Variants in GSTCD observed in about 807,000 individuals in gnomAD.
GSTCD encodes glutathione S-transferase C-terminal domain containing, also known as glutathione S-transferase C-terminal domain-containing protein.
In GSTCD, 44 loss-of-function variants were observed where a neutral mutation model predicts 68.3. The ratio of observed to expected loss-of-function variants is 0.64; its 90% CI spans 0.51 to 0.83. GSTCD has a LOEUF of 0.83. GSTCD is among the 40% of genes least tolerant of loss of function. The probability of loss-of-function intolerance (pLI) is 0.00; values close to 1 mark genes in which losing one functional copy is unlikely to be tolerated. For synonymous variants in GSTCD, 273 were observed against 255.2 expected (o/e 1.07, Z -0.67); for missense variants, 739 against 735.9 (o/e 1.00, Z -0.05).
At chr4:105,743,009 C>G (rs759282832) in intron 5 of GSTCD, among the ~76,000 whole-genome samples, 8 of 146,396 alleles carry the variant, frequency 5.5e-5, no homozygotes, top group Non-Finnish European at 1.1e-4. Context: ...GAGTGCAGTG[C>G]CGCGATCTCA....
At chr4:105,713,176 T>G (rs1358794640) in intron 1 of GSTCD, among the ~76,000 whole-genome samples, 3 of 152,006 alleles carry the variant, frequency 2.0e-5, no homozygotes, top group African/African-American at 7.3e-5. Flanking sequence ...CATTATAAAA[T>G]ATATACCTAA....
At chr4:105,717,439 C>T (rs1732714292) in intron 1 of GSTCD, among the ~76,000 whole-genome samples, 154 bp from the exon 2 acceptor site, 1 of 152,110 alleles carries the variant, frequency 6.6e-6, no homozygotes, top group East Asian at 1.9e-4. Flanking sequence ...TTTTGGAAGT[C>T]ATTTAGTCAG....
chr4:105,730,222 T>A (rs1733185103), intron 5 of GSTCD, among the ~76,000 whole-genome samples: 1 of 152,210 alleles, frequency 6.6e-6, no homozygotes, highest in Non-Finnish European at 1.5e-5. Context: ...TGTGTCTTTA[T>A]AGCAGCATGA....
chr4:105,764,714 G>A (rs1734540824), intron 5 of GSTCD, among the ~76,000 whole-genome samples: 1 of 152,152 alleles, frequency 6.6e-6, no homozygotes, highest in Non-Finnish European at 1.5e-5. Flanking sequence ...TAAAGGTCCT[G>A]TCTTCAAATA....
At chr4:105,807,441 C>A (rs1722562764) in intron 5 of GSTCD, among the ~76,000 whole-genome samples, 1 of 152,060 alleles carries the variant, frequency 6.6e-6, no homozygotes, top group African/African-American at 2.4e-5. Context: ...AATAACCAAT[C>A]AAAGATAGGC....
chr4:105,823,120 T>A (rs779341475), intron 6 of GSTCD, 51 bp downstream of exon 6: 99 of 1,571,056 alleles, frequency 6.3e-5, no homozygotes, highest in Non-Finnish European at 8.5e-5. Context: ...ATTATGAGAC[T>A]TTTCTATATT....
At chr4:105,748,608 G>T (rs1217103540) in intron 5 of GSTCD, among the ~76,000 whole-genome samples, 1 of 151,886 alleles carries the variant, frequency 6.6e-6, no homozygotes, top group Non-Finnish European at 1.5e-5. Context: ...ATATTAAATG[G>T]TTTAAAATAT....
At chr4:105,824,724 G>T (rs1454915611) in intron 7 of GSTCD, among the ~76,000 whole-genome samples, 5 of 151,960 alleles carry the variant, frequency 3.3e-5, no homozygotes, top group Non-Finnish European at 7.4e-5. Context: ...TATCATAATT[G>T]CATGATCTGG....
chr4:105,836,557 T>C (rs1560855330), intron 9 of GSTCD, among the ~76,000 whole-genome samples: 2 of 152,028 alleles, frequency 1.3e-5, no homozygotes, highest in African/African-American at 4.8e-5. Flanking sequence ...TGCAGGCCCA[T>C]GTCAAGCTGC....
intron 5 of GSTCD, among the ~76,000 whole-genome samples, chr4:105,775,448 G>A (rs1279901970): frequency 6.6e-6 from 1 of 152,188 alleles, no homozygotes; most frequent in Non-Finnish European, 1.5e-5. Context: ...GGAATTTATA[G>A]GCTTTTGGCA....
Position 105,835,129 on chromosome 4 carries a change from A to C in GSTCD, c.1664+535A>C, listed in dbSNP as rs138421274. Among the ~76,000 whole-genome samples the C allele has an allele frequency of 1.5e-3, 236 of 152,342 alleles. 2 individuals are homozygous for C. The highest frequency in any genetic ancestry group is 5.4e-3 in the African/African-American group (225 of 41,584). ...TTAGAAGTGGCAAGAATAAGTATTC[A>C]ATAAATGTGAACTGTTGCTAATAAT... On this transcript the variant is annotated intron_variant, in intron 9 of 11. Coordinates refer to ENST00000515279, the MANE Select transcript of GSTCD (RefSeq NM_001370181.1).
At chr4:105,724,223 A>G (rs983709955) in intron 3 of GSTCD, among the ~76,000 whole-genome samples, 1 of 151,840 alleles carries the variant, frequency 6.6e-6, no homozygotes, top group African/African-American at 2.4e-5. Context: ...CTACGGAAAC[A>G]TTTGTTGCCT....
At chr4:105,801,843 A>T (rs1475655298) in intron 5 of GSTCD, among the ~76,000 whole-genome samples, 1 of 152,128 alleles carries the variant, frequency 6.6e-6, no homozygotes, top group East Asian at 1.9e-4. Context: ...TCATTTTATA[A>T]CTTCTCTTTT....
intron 5 of GSTCD, among the ~76,000 whole-genome samples, chr4:105,740,398 G>A (rs1481793789): frequency 1.3e-5 from 2 of 152,054 alleles, no homozygotes; most frequent in Non-Finnish European, 1.5e-5. Context: ...ATGGGCGGGT[G>A]GAGACCAGGT....
rs149629437 is a variant in GSTCD at position 105,776,143 on chromosome 4, G to A, written c.1240+46644G>A. Among the ~76,000 whole-genome samples the A allele has an allele frequency of 2.4e-3, 369 of 152,298 alleles. 2 individuals are homozygous for A. Among genetic ancestry groups the A allele is most frequent in the African/African-American group, 8.6e-3 (358 of 41,566 alleles). On this transcript the variant is annotated intron_variant, in intron 5 of 11. Coordinates refer to ENST00000515279, the MANE Select transcript of GSTCD (RefSeq NM_001370181.1). Reference sequence around the variant, plus strand: ...ACTTCCTGGTGGCTTTGTTTATACTGCGAGGGGAAAACCACCTACTCAAGC... The same window carrying A: ...ACTTCCTGGTGGCTTTGTTTATACTACGAGGGGAAAACCACCTACTCAAGC...
Position 105,766,887 on chromosome 4 carries a change from C to CTTTTTTTTTTTTTTT in GSTCD, c.1240+37399_1240+37413dup. 1.2e-3 allele frequency among the ~76,000 whole-genome samples: 71 copies of CTTTTTTTTTTTTTTT among 57,112 alleles called. 4 individuals carry two copies. The highest frequency in any genetic ancestry group is 5.3e-3 in the African/African-American group (66 of 12,420). The allele number at this position is 57,112 out of a possible 152,430, so 37.5% of individuals were successfully genotyped here. ...CAAAAGCATGAATAGGTTTTTGACT[C>CTTTTTTTTTTTTTTT]TTTTTTTTTTTTTTTTTTTTTTTTT... On this transcript the variant is annotated intron_variant, in intron 5 of 11. Transcript: ENST00000515279.
chr4:105,752,914 A>G (rs1020064430), intron 5 of GSTCD, among the ~76,000 whole-genome samples: 18 of 152,062 alleles, frequency 1.2e-4, no homozygotes, highest in East Asian at 5.8e-4. Context: ...TCTCTCGTCA[A>G]TTAGTATTGA....
intron 5 of GSTCD, among the ~76,000 whole-genome samples, chr4:105,783,334 G>A (rs1735349867): frequency 6.6e-6 from 1 of 152,128 alleles, no homozygotes; most frequent in African/African-American, 2.4e-5. Context: ...GCTTTAGCAG[G>A]TTGGTATATT....
chr4:105,783,081 C>T (rs1042994160), intron 5 of GSTCD, among the ~76,000 whole-genome samples: 1 of 152,092 alleles, frequency 6.6e-6, no homozygotes, highest in South Asian at 2.1e-4. Context: ...ACAATTTGTT[C>T]GAATTTGACC....
Sources: allele counts gnomAD v4.1 joint callset (sites outside exome capture counted in the v4.1 genomes callset), GRCh38; gene constraint gnomAD v4.1.1; transcripts MANE v1.5; gene names NCBI Gene and HGNC (gene_info 2026-07-23, HGNC 2026-07-21).